GABRG3: variants seen among roughly 807,000 people sequenced by gnomAD.
GABRG3 encodes gamma-aminobutyric acid receptor subunit gamma-3.
GABRG3 carries 25 observed loss-of-function variants against 48.8 expected under a neutral mutation model. The observed-to-expected ratio is 0.51, with a 90% CI of 0.37 to 0.72. GABRG3 has a LOEUF of 0.72. Among genes scored for constraint, GABRG3 ranks in the 30% least tolerant of loss-of-function variants. The pLI is 0.00. For missense variants in GABRG3, 394 were observed against 577.9 expected, an observed-to-expected ratio of 0.68 and a Z score of 3.26; for synonymous variants, 227 against 217.6, an observed-to-expected ratio of 1.04 and a Z score of -0.38.
chr15:27,013,856 C>G (rs1322032317), intron 2 of GABRG3, among the ~76,000 whole-genome samples: 1 of 151,994 alleles, frequency 6.6e-6, no homozygotes, highest in Non-Finnish European at 1.5e-5. Context: ...CCTTGAGACT[C>G]CATATAATTT....
intron 3 of GABRG3, among the ~76,000 whole-genome samples, chr15:27,062,445 A>AAAAAAAAAAAAAAAG (rs1896665090): frequency 7.5e-6 from 1 of 133,936 alleles, no homozygotes; most frequent in Non-Finnish European, 1.7e-5. Flanking sequence ...AAAAAAAAAA[A>AAAAAAAAAAAAAAAG]AAAAAAAAAA....
chr15:27,136,118 C>T (rs1400011977), intron 3 of GABRG3, among the ~76,000 whole-genome samples: 5 of 152,106 alleles, frequency 3.3e-5, no homozygotes. Context: ...GTGGTAGGCT[C>T]CATCCTTTGA....
At chr15:27,002,335 T>C (rs972873676) in intron 2 of GABRG3, among the ~76,000 whole-genome samples, 2 of 152,182 alleles carry the variant, frequency 1.3e-5, no homozygotes, top group South Asian at 4.1e-4. Context: ...ATCCACACTT[T>C]CCTGGCAGCA....
In GABRG3 at chr15:27,238,389, G is replaced by A. The variant is rs536150749; in HGVS notation, c.271-88420G>A. Among the ~76,000 whole-genome samples, 3 of 152,370 alleles carry A rather than the reference G, an allele frequency of 2.0e-5. No homozygotes were observed. The South Asian group carries it at 6.2e-4, about 32-fold the overall frequency. On this transcript the variant is annotated intron_variant, in intron 3 of 9. Transcript: ENST00000615808. ...AGCATCCACGGCTGCCTTAGCTGGA[G>A]GGAGCCGCGCGGGGGCGCAGTGCGT...
At chr15:27,409,437 T>C (rs2140597195) in intron 5 of GABRG3, among the ~76,000 whole-genome samples, 1 of 152,312 alleles carries the variant, frequency 6.6e-6, no homozygotes, top group Non-Finnish European at 1.5e-5. Context: ...GTCTCTGTTC[T>C]GTTTCATTGA....
At chr15:26,972,128 C>T (rs1405576552) in intron 1 of GABRG3, among the ~76,000 whole-genome samples, 1 of 152,022 alleles carries the variant, frequency 6.6e-6, no homozygotes, top group Non-Finnish European at 1.5e-5. Flanking sequence ...TGGGAGGACT[C>T]CCCTCCCAGG....
chr15:27,027,874 T>G (rs977984863), intron 3 of GABRG3, among the ~76,000 whole-genome samples: 1 of 152,254 alleles, frequency 6.6e-6, no homozygotes, highest in Non-Finnish European at 1.5e-5. Context: ...TTCTTATGTA[T>G]GTTTCTTGTT....
Position 27,433,554 on chromosome 15 carries a change from C to T in GABRG3, c.575-47096C>T, listed in dbSNP as rs564961555. 4.6e-5 allele frequency among the ~76,000 whole-genome samples: 7 copies of T among 152,274 alleles called. No homozygotes were observed. The South Asian group carries it at 8.3e-4, about 18-fold the overall frequency. On this transcript the variant is annotated intron_variant, in intron 5 of 9. Coordinates refer to ENST00000615808, the MANE Select transcript of GABRG3 (RefSeq NM_033223.5). ...CTTTATGGAGAAGTGGATTTTCAGACGTCTTTACTCTGTCATTCTGGAAGA... is the reference window on the plus strand; with the variant it reads ...CTTTATGGAGAAGTGGATTTTCAGATGTCTTTACTCTGTCATTCTGGAAGA...
intron 3 of GABRG3, among the ~76,000 whole-genome samples, chr15:27,303,515 A>G (rs981637450): frequency 1.3e-4 from 20 of 151,736 alleles, no homozygotes; most frequent in Admixed American, 3.9e-4. Flanking sequence ...AGGCCTAAAT[A>G]TGGTTTCACT....
At chr15:27,261,097 CT>C (rs1194762384) in intron 3 of GABRG3, among the ~76,000 whole-genome samples, 5 of 152,014 alleles carry the variant, frequency 3.3e-5, no homozygotes, top group Non-Finnish European at 7.4e-5. Flanking sequence ...AATACGCAAA[CT>C]TTAATTATGT....
chr15:27,439,118 C>G (rs536759962), intron 5 of GABRG3, among the ~76,000 whole-genome samples: 1 of 152,186 alleles, frequency 6.6e-6, no homozygotes, highest in Non-Finnish European at 1.5e-5. Context: ...AGGGCCTCCT[C>G]CAAGGTCAGA....
intron 6 of GABRG3, among the ~76,000 whole-genome samples, chr15:27,516,173 A>G (rs1030589949): frequency 6.6e-6 from 1 of 151,664 alleles, no homozygotes; most frequent in Non-Finnish European, 1.5e-5. Flanking sequence ...CTACCTACTG[A>G]TTCATTAAAA....
chr15:27,423,721 C>CTTTTTTTTTTTT lies in GABRG3; in HGVS notation c.575-56913_575-56902dup, dbSNP rs542775399. On this transcript the variant is annotated intron_variant, in intron 5 of 9. Coordinates refer to ENST00000615808, the MANE Select transcript of GABRG3 (RefSeq NM_033223.5). The stretch of plus-strand genomic sequence containing the variant: ...CCACCACACCTGGCTTTTTCTTTTC[C>CTTTTTTTTTTTT]TTTTTTTTTTTTTTTTTTTTTTTTT... 9.8e-5 allele frequency among the ~76,000 whole-genome samples: 8 copies of CTTTTTTTTTTTT among 81,780 alleles called. 1 individual carries two copies. Among genetic ancestry groups the CTTTTTTTTTTTT allele is most frequent in the East Asian group, 3.6e-4 (1 of 2,780 alleles). 53.7% of individuals were successfully genotyped at this position (81,780 alleles called of 152,430 possible).
intron 3 of GABRG3, among the ~76,000 whole-genome samples, chr15:27,302,546 A>G (rs1288741951): frequency 1.3e-5 from 2 of 152,060 alleles, no homozygotes; most frequent in Admixed American, 1.3e-4. Flanking sequence ...AAAGTTGGTG[A>G]CTTCAACATC....
At chr15:27,029,854 T>C (rs1896052524) in intron 3 of GABRG3, among the ~76,000 whole-genome samples, 1 of 152,014 alleles carries the variant, frequency 6.6e-6, no homozygotes, top group Non-Finnish European at 1.5e-5. Flanking sequence ...GAAGAATGAG[T>C]GTTTCTTACC....
At chr15:27,424,735 G>T (rs755908323) in intron 5 of GABRG3, among the ~76,000 whole-genome samples, 19 of 151,968 alleles carry the variant, frequency 1.3e-4, no homozygotes, top group Non-Finnish European at 1.9e-4. Context: ...TGTATTTTTA[G>T]TAGAGATGGG....
At chr15:27,097,884 A>G (rs1897291313) in intron 3 of GABRG3, among the ~76,000 whole-genome samples, 1 of 152,112 alleles carries the variant, frequency 6.6e-6, no homozygotes, top group Non-Finnish European at 1.5e-5. Context: ...CATTATGATA[A>G]TATTACAAGC....
chr15:27,267,407 A>G lies in GABRG3; in HGVS notation c.271-59402A>G, dbSNP rs552884601. ...CAGGCATGAGCCACTGCACCTGGCCATCTTTTACCTTTAGAGTATCATGTT... is the reference window on the plus strand; with the variant it reads ...CAGGCATGAGCCACTGCACCTGGCCGTCTTTTACCTTTAGAGTATCATGTT... On this transcript the variant is annotated intron_variant, in intron 3 of 9. Coordinates refer to ENST00000615808, the MANE Select transcript of GABRG3 (RefSeq NM_033223.5). 9.3e-5 allele frequency among the ~76,000 whole-genome samples: 14 copies of G among 151,000 alleles called. No homozygotes were observed. In the South Asian group the frequency reaches 2.1e-3, roughly 22 times the overall value.
At chr15:27,468,867 ATCT>A (rs1485246626) in intron 5 of GABRG3, among the ~76,000 whole-genome samples, 2 of 152,248 alleles carry the variant, frequency 1.3e-5, no homozygotes, top group Non-Finnish European at 2.9e-5. Context: ...AGTAAAAAAA[ATCT>A]TCTATTCATG....
Sources: gnomAD v4.1 joint callset for allele counts (sites outside exome capture counted in the v4.1 genomes callset) on GRCh38, gnomAD v4.1.1 for gene constraint, MANE v1.5 for transcripts, NCBI Gene and HGNC (gene_info 2026-07-23, HGNC 2026-07-21) for gene names.